Variants in C4orf50 observed in about 807,000 individuals in gnomAD.
The protein encoded by C4orf50 is uncharacterized protein C4orf50.
Under a neutral mutation model 77.2 loss-of-function variants are expected in C4orf50, and 80 were observed. The observed-to-expected ratio is 1.04, with a 90% CI of 0.87 to 1.25. C4orf50 has a LOEUF of 1.25. Among genes scored for constraint, C4orf50 ranks in the 50% most tolerant of loss-of-function variants. The probability of loss-of-function intolerance (pLI) is 0.00; values close to 1 mark genes in which losing one functional copy is unlikely to be tolerated. For missense variants in C4orf50, 1,257 were observed against 1,152.9 expected (o/e 1.09, Z -1.31); for synonymous variants, 532 against 465.3 (o/e 1.14, Z -1.84).
chr4:5,902,936 C>G (rs951356986), intron 7 of C4orf50: 3 of 152,158 alleles, frequency 2.0e-5, no homozygotes, highest in Non-Finnish European at 2.9e-5. Context: ...CAGTTGCAGG[C>G]CCTTCCTGCA....
At chr4:5,990,746 C>T (rs920543053) in exon 28 of C4orf50, 14 of 398,960 alleles carry the variant, frequency 3.5e-5, no homozygotes, top group African/African-American at 2.5e-4. Flanking sequence ...AGGAGTGACT[C>T]GTCCAAGCAC....
chr4:5,942,317 G>A (rs1299182366), intron 7 of C4orf50, among the ~76,000 whole-genome samples: 2 of 152,174 alleles, frequency 1.3e-5, no homozygotes, highest in Non-Finnish European at 2.9e-5. Flanking sequence ...GGGCTTGGGG[G>A]TCATACAGGA....
At position 5,916,907 on chromosome 4, in the gene C4orf50, A is replaced by G. The variant is rs561626186; in HGVS notation, c.*2475-18719T>C. Among the ~76,000 whole-genome samples, 2 of 152,294 alleles carry G rather than the reference A, an allele frequency of 1.3e-5. No individual in the cohort carries two copies. Among genetic ancestry groups the G allele is most frequent in the East Asian group, 3.9e-4 (2 of 5,178 alleles). The stretch of plus-strand genomic sequence containing the variant: ...GCAGAGGCAGGCTGGGGACAGTGCC[A>G]TCGGGCCCAAACACATCACTATGTG... On this transcript the variant is annotated intron_variant, in intron 7 of 7. Coordinates refer to the C4orf50 transcript ENST00000324058. This position sits in a 1 kb window ranked among gnomAD's most constrained non-coding sequence, Gnocchi z 4.4.
rs12646064 is a variant in C4orf50, at chr4:6,017,889, G to A, written c.287+256C>T. ...ACCTGGCTTCTCCCTGCCTCCCTCC[G>A]TTTCAGGGCCTCCCATTGGCTGCAC... On this transcript the variant is annotated intron_variant, in intron 23 of 33. Transcript: ENST00000531445. This position sits in a 1 kb window ranked among gnomAD's most constrained non-coding sequence, Gnocchi z 4.7. 0.18 allele frequency among the ~76,000 whole-genome samples: 27,828 copies of A among 152,140 alleles called. 3,289 individuals carry two copies. Among genetic ancestry groups the A allele is most frequent in the East Asian group, 0.61 (3,154 of 5,154 alleles).
Position 6,007,397 on chromosome 4 carries a change from C to T in C4orf50, c.963+599G>A, listed in dbSNP as rs1284802017. 2.0e-5 allele frequency among the ~76,000 whole-genome samples: 3 copies of T among 152,066 alleles called. No individual in the cohort carries two copies. Among genetic ancestry groups the T allele is most frequent in the East Asian group, 1.9e-4 (1 of 5,184 alleles). On this transcript the variant is annotated intron_variant, in intron 25 of 33. Transcript: ENST00000531445. The surrounding 1 kb of genome is among the most constrained non-coding windows in gnomAD (Gnocchi z 4.1). Reference sequence around the variant, plus strand: ...TTACTAATTAGTACCCCAGAAGGCTCCCTCTCCCTCCTGCCCTGTGAGGAC... The same window carrying T: ...TTACTAATTAGTACCCCAGAAGGCTTCCTCTCCCTCCTGCCCTGTGAGGAC...
intron 31 of C4orf50, 70 bp downstream of exon 9, chr4:5,973,589 G>A (rs1720057373): frequency 1.1e-5 from 14 of 1,286,812 alleles, no homozygotes; most frequent in Non-Finnish European, 1.4e-5. Flanking sequence ...CTCCAGTCAG[G>A]CAGGGGCATG....
chr4:5,954,683 A>G (rs1718873701), downstream of C4orf50, among the ~76,000 whole-genome samples: 1 of 152,118 alleles, frequency 6.6e-6, no homozygotes, highest in African/African-American at 2.4e-5. The surrounding 1 kb of genome is among the most constrained non-coding windows in gnomAD (Gnocchi z 4.7). Context: ...CAAGTAAAAG[A>G]TACTGGTCCA....
chr4:5,993,880 G>T (rs1476486715), intron 26 of C4orf50, among the ~76,000 whole-genome samples: 1 of 150,564 alleles, frequency 6.6e-6, no homozygotes, highest in Non-Finnish European at 1.5e-5. Context: ...GAGAGAGAGA[G>T]ATATTGGTTC....
intron 7 of C4orf50, chr4:5,923,257 G>A (rs1717361424): frequency 6.5e-6 from 1 of 154,364 alleles, no homozygotes; most frequent in Non-Finnish European, 1.5e-5. Flanking sequence ...CTAAAGGGTG[G>A]TAGAGTTGGG....
At chr4:5,949,503 G>T (rs923279843) in intron 7 of C4orf50, among the ~76,000 whole-genome samples, 2 of 152,204 alleles carry the variant, frequency 1.3e-5, no homozygotes, top group Non-Finnish European at 2.9e-5. Flanking sequence ...CGGACTTATA[G>T]AGACAGAAAG....
chr4:6,006,461 G>T (rs73071512), intron 25 of C4orf50, among the ~76,000 whole-genome samples: 1,824 of 152,290 alleles, frequency 0.012, 21 homozygotes, highest in African/African-American at 0.032. Context: ...TCACATTCCA[G>T]TTCAGTCCCT....
At position 5,965,146 on chromosome 4, in the gene C4orf50, C is replaced by A. The variant is rs201454202; in HGVS notation, c.4154-1G>T. The A allele has an allele frequency of 6.2e-7, 1 of 1,611,262 alleles. No individual in the cohort carries two copies. Among genetic ancestry groups the A allele is most frequent in the Non-Finnish European group, 8.5e-7 (1 of 1,178,748 alleles). ...TCAGGATTCAAGAGGTATGTCTGAGCTGGAAGGGAAAATTCTCAGTCAAGC... is the reference window on the plus strand; with the variant it reads ...TCAGGATTCAAGAGGTATGTCTGAGATGGAAGGGAAAATTCTCAGTCAAGC... On this transcript the variant is annotated splice_acceptor_variant, in intron 32 of 33. Transcript: ENST00000531445. LOFTEE classifies it high-confidence loss of function.
rs372921174 is a variant in C4orf50, at chr4:5,982,296, C to T, written c.3700-1958G>A. Among the ~76,000 whole-genome samples the T allele has an allele frequency of 3.4e-3, 511 of 151,958 alleles. 2 individuals carry two copies. Among genetic ancestry groups the T allele is most frequent in the African/African-American group, 0.012 (481 of 41,502 alleles). On this transcript the variant is annotated intron_variant, in intron 28 of 33. Coordinates refer to ENST00000531445, the Ensembl canonical transcript of C4orf50. ...GTATCCTCTAAAGAGAATGGCTGTG[C>T]GGTGGGGGGTGGGCAGCCTGCTGTC...
chr4:6,010,554 C>T (rs921437489), intron 24 of C4orf50, among the ~76,000 whole-genome samples: 1 of 152,232 alleles, frequency 6.6e-6, no homozygotes, highest in African/African-American at 2.4e-5. Context: ...CTAGCACGTG[C>T]GATGTGCTTG....
At position 5,901,457 on chromosome 4, in the gene C4orf50, C is replaced by T. The variant is rs998973506; in HGVS notation, c.*2475-3269G>A. On this transcript the variant is annotated intron_variant, in intron 7 of 7. Coordinates refer to the C4orf50 transcript ENST00000324058. The surrounding 1 kb of genome is among the most constrained non-coding windows in gnomAD (Gnocchi z 4.4). ...ATAACTTGCAGAACCCAGATTGCAGCCTAGCTATTCTGGTCTTAAACCCTA... is the reference window on the plus strand; with the variant it reads ...ATAACTTGCAGAACCCAGATTGCAGTCTAGCTATTCTGGTCTTAAACCCTA... The T allele has an allele frequency of 5.9e-5, 9 of 152,172 alleles. No homozygotes were observed. Among genetic ancestry groups the T allele is most frequent in the African/African-American group, 2.2e-4 (9 of 41,432 alleles). 9.4% of individuals were successfully genotyped at this position (152,172 alleles called of 1,614,324 possible).
At chr4:6,004,776 G>T (rs1454358614) in intron 25 of C4orf50, among the ~76,000 whole-genome samples, 1 of 145,994 alleles carries the variant, frequency 6.8e-6, no homozygotes, top group Non-Finnish European at 1.5e-5. Context: ...AGTGATGACG[G>T]CGATGGTGAT....
chr4:5,991,399 G>A (rs1560588978), intron 27 of C4orf50, among the ~76,000 whole-genome samples: 1 of 152,212 alleles, frequency 6.6e-6, no homozygotes, highest in African/African-American at 2.4e-5. Flanking sequence ...GATGGGGCTG[G>A]TGCAGGTGGT....
At chr4:5,914,022 A>G (rs1400071144) in intron 7 of C4orf50, among the ~76,000 whole-genome samples, 1 of 152,176 alleles carries the variant, frequency 6.6e-6, no homozygotes, top group Non-Finnish European at 1.5e-5. Context: ...ATGCTATGTA[A>G]TCATGAGAAG....
intron 7 of C4orf50, among the ~76,000 whole-genome samples, chr4:5,936,645 T>C (rs535215821): frequency 1.6e-4 from 11 of 67,248 alleles, no homozygotes; most frequent in South Asian, 1.3e-3. Context: ...GAGGAAAAAA[T>C]TGAGTCAGTC....
Sources: gnomAD v4.1 joint callset for allele counts (sites outside exome capture counted in the v4.1 genomes callset) on GRCh38, gnomAD v4.1.1 for gene constraint, Gnocchi (gnomAD v3.1) non-coding constraint, MANE v1.5 for transcripts, NCBI Gene and HGNC (gene_info 2026-07-23, HGNC 2026-07-21) for gene names.